Variants in ETV5 observed in about 807,000 individuals in gnomAD.
The protein encoded by ETV5 is ETS translocation variant 5.
In ETV5, 10 loss-of-function variants were observed where a neutral mutation model predicts 70.0. The observed-to-expected ratio is 0.14, with a 90% CI of 0.09 to 0.24. The LOEUF is 0.24. Ranked by LOEUF, ETV5 falls within the 10% of genes least tolerant of loss-of-function variation. The pLI is 1.00. For synonymous variants in ETV5, 216 were observed against 242.2 expected (o/e 0.89, Z 1.01); for missense variants, 453 against 651.2 (o/e 0.70, Z 3.31).
At chr3:186,056,543 C>T (rs1003986340) in intron 11 of ETV5, among the ~76,000 whole-genome samples, 3 of 151,902 alleles carry the variant, frequency 2.0e-5, no homozygotes, top group East Asian at 1.9e-4. Flanking sequence ...CCACTGCACC[C>T]GGCCATAACA....
intron 7 of ETV5, among the ~76,000 whole-genome samples, chr3:186,075,343 A>G (rs1256739587): frequency 6.6e-6 from 1 of 152,240 alleles, no homozygotes; most frequent in Non-Finnish European, 1.5e-5. Context: ...AGGCCAGGCT[A>G]CAAATGTGAC....
intron 5 of ETV5, among the ~76,000 whole-genome samples, chr3:186,099,087 A>G (rs1434531916): frequency 6.6e-6 from 1 of 152,176 alleles, no homozygotes; most frequent in African/African-American, 2.4e-5. Flanking sequence ...TTTATTTTCT[A>G]TGCAGAGTCC....
chr3:186,107,903 GCCCCCGCCCCCATTTCCAA>G (rs2108447612), intron 1 of ETV5, among the ~76,000 whole-genome samples: 1 of 150,756 alleles, frequency 6.6e-6, no homozygotes, highest in Admixed American at 6.6e-5. Flanking sequence ...CTTCAGCTGC[GCCCCCGCCCCCATTTCCAA>G]CGCACGCCCA....
chr3:186,102,813 T>A (rs529966860), intron 5 of ETV5, among the ~76,000 whole-genome samples: 32 of 152,184 alleles, frequency 2.1e-4, no homozygotes, highest in African/African-American at 7.5e-4. Context: ...GTGAAGCTGG[T>A]CCTGAACTCG....
intron 5 of ETV5, among the ~76,000 whole-genome samples, chr3:186,081,491 C>T (rs1713933753): frequency 6.6e-6 from 1 of 152,052 alleles, no homozygotes; most frequent in Admixed American, 6.5e-5. Context: ...TGGGTCTCCA[C>T]CAAAAATGCA....
chr3:186,096,343 CTTCTA>C (rs1578560049), intron 5 of ETV5, among the ~76,000 whole-genome samples: 1 of 152,218 alleles, frequency 6.6e-6, no homozygotes, highest in Admixed American at 6.5e-5. Context: ...ATCCCCCCCT[CTTCTA>C]TTCTACCTTT....
At chr3:186,064,226 T>C (rs545596982) in intron 9 of ETV5, 191 bp downstream of exon 9, 16 of 608,464 alleles carry the variant, frequency 2.6e-5, no homozygotes, top group Middle Eastern at 4.4e-4. Context: ...TCAGCTCTCA[T>C]ATTCATGAGC....
intron 7 of ETV5, among the ~76,000 whole-genome samples, chr3:186,075,948 A>G (rs1713774337): frequency 6.6e-6 from 1 of 152,220 alleles, no homozygotes; most frequent in Non-Finnish European, 1.5e-5. Context: ...ATATAATGAG[A>G]TACGGTTTAA....
intron 5 of ETV5, among the ~76,000 whole-genome samples, chr3:186,083,134 G>T (rs1713971592): frequency 6.6e-6 from 1 of 152,194 alleles, no homozygotes; most frequent in South Asian, 2.1e-4. Flanking sequence ...ATGAGAATTT[G>T]ACACAGAAAT....
In ETV5 at chr3:186,079,944, C is replaced by T. The variant is rs1452592219; in HGVS notation, c.523G>A (p.Ala175Thr). Residue 175 changes from alanine to threonine, a missense_variant, in exon 7 of 13, where the codon GCC (alanine) becomes ACC (threonine). Coordinates refer to ENST00000306376, the MANE Select transcript of ETV5 (RefSeq NM_004454.3). The part of the protein sequence containing the change: ...AAGPVQGVGP[A>T]PAPHSLPEPG... The stretch of plus-strand genomic sequence containing the variant: ...TCTGGAAGCGAATGGGGGGCGGGGG[C>T]GGGGCCCACACCTTGAACTGGGCCA... 5 of 1,421,218 alleles carry T rather than the reference C, an allele frequency of 3.5e-6. No homozygotes were observed. Among genetic ancestry groups the T allele is most frequent in the Admixed American group, 2.9e-5 (1 of 34,906 alleles). The allele number at this position is 1,421,218 out of a possible 1,614,324, so 88.0% of individuals were successfully genotyped here.
chr3:186,053,801 A>G lies in ETV5; in HGVS notation c.1210-1670T>C, dbSNP rs145558692. On this transcript the variant is annotated intron_variant, in intron 11 of 12. Transcript: ENST00000306376. ...TAGAGAAGATAAACATTTAAAACCA[A>G]TAGAAATAATGGTAAGAAGAGACAT... is the stretch of plus-strand genomic sequence containing the variant. Among the ~76,000 whole-genome samples, 290 of 152,330 alleles carry G rather than the reference A, an allele frequency of 1.9e-3. 1 individual carries two copies. The highest frequency in any genetic ancestry group is 6.5e-3 in the African/African-American group (269 of 41,574).
chr3:186,097,848 G>C (rs1714341563), intron 5 of ETV5, among the ~76,000 whole-genome samples: 1 of 152,204 alleles, frequency 6.6e-6, no homozygotes, highest in Non-Finnish European at 1.5e-5. Flanking sequence ...AGTGTTGTTT[G>C]AGTTGGTTGT....
chr3:186,072,900 C>G (rs1224058579), intron 7 of ETV5, among the ~76,000 whole-genome samples: 2 of 152,108 alleles, frequency 1.3e-5, no homozygotes, highest in Admixed American at 6.5e-5. Flanking sequence ...TTTGGGAGGC[C>G]AAGGCAGGCA....
At chr3:186,101,783 G>A (rs1714465146) in intron 5 of ETV5, among the ~76,000 whole-genome samples, 1 of 152,174 alleles carries the variant, frequency 6.6e-6, no homozygotes, top group Non-Finnish European at 1.5e-5. Flanking sequence ...AGTCTCTTCA[G>A]CTATTTGGGA....
intron 11 of ETV5, among the ~76,000 whole-genome samples, chr3:186,053,228 A>T (rs1713075902): frequency 6.6e-6 from 1 of 152,044 alleles, no homozygotes; most frequent in South Asian, 2.1e-4. Flanking sequence ...CAGTCTCCTG[A>T]GCAGCTGGGA....
Position 186,048,668 on chromosome 3 carries a change from G to C in ETV5, c.1504C>G (p.Leu502Val). 6.2e-7 allele frequency: 1 copy of C among 1,614,198 alleles called. No homozygotes were observed. Among genetic ancestry groups the C allele is most frequent in the Non-Finnish European group, 8.5e-7 (1 of 1,180,032 alleles). The change falls in exon 13 of 13, where the codon CTC becomes GTC. Residue 502 changes from leucine (L) to valine (V), a missense_variant. By Grantham distance (32) the Leu-to-Val change is conservative (BLOSUM62 1). Around this residue, in one of 4 missense-constraint regions of ETV5, gnomAD observed 74 missense variants for 95.2 expected, o/e 0.78. Transcript: ENST00000306376. Reference sequence around the variant, plus strand: ...TAAGCAAAGCCTTCGGCATAGGGGAGGCTGCTGCAGCGGTCCATGTCCAGG... The same window carrying C: ...TAAGCAAAGCCTTCGGCATAGGGGACGCTGCTGCAGCGGTCCATGTCCAGG... ...YLLDMDRCSS[L>V]PYAEGFAY
Position 186,052,152 on chromosome 3 carries a change from A to G in ETV5, c.1210-21T>C. 6.2e-7 allele frequency: 1 copy of G among 1,611,414 alleles called. No homozygotes were observed. Among genetic ancestry groups the G allele is most frequent in the Non-Finnish European group, 8.5e-7 (1 of 1,177,814 alleles). ...GCAACCTGAAGAGACAGGAAAGTGA[A>G]GAGCAATGGAAACGCATTCCCTGGG... On this transcript the variant is annotated intron_variant, in intron 11 of 12. Transcript: ENST00000306376. The surrounding 1 kb of genome is among the most constrained non-coding windows in gnomAD (Gnocchi z 4.5).
intron 9 of ETV5, among the ~76,000 whole-genome samples, chr3:186,058,646 T>C (rs1451531183): frequency 6.6e-6 from 1 of 152,168 alleles, no homozygotes; most frequent in Non-Finnish European, 1.5e-5. Flanking sequence ...TGAGCAATTA[T>C]AAGGTTTAAG....
chr3:186,101,355 C>A (rs924811424), intron 5 of ETV5, among the ~76,000 whole-genome samples: 2 of 152,158 alleles, frequency 1.3e-5, no homozygotes, highest in Non-Finnish European at 2.9e-5. Context: ...GATCACTACT[C>A]GCTTCAACTG....
Sources: gnomAD v4.1 joint callset for allele counts (sites outside exome capture counted in the v4.1 genomes callset) on GRCh38, gnomAD v4.1.1 for gene constraint, gnomAD v4.1.1 regional missense constraint, Gnocchi (gnomAD v3.1) non-coding constraint, MANE v1.5 for transcripts, NCBI Gene and HGNC (gene_info 2026-07-23, HGNC 2026-07-21) for gene names.